FSTL5: variants seen among roughly 807,000 people sequenced by gnomAD.
FSTL5 encodes the protein follistatin like 5, also known as follistatin-related protein 5.
In FSTL5, 62 loss-of-function variants were observed where a neutral mutation model predicts 89.1. That is an observed-to-expected ratio of 0.70 (90% CI 0.57 to 0.86). FSTL5 has a LOEUF of 0.86. Among genes scored for constraint, FSTL5 ranks in the 40% least tolerant of loss-of-function variants. FSTL5 has a pLI of 0.00. For missense variants in FSTL5, 1,057 were observed against 1,001.6 expected, an observed-to-expected ratio of 1.06 and a Z score of -0.75; for synonymous variants, 383 against 346.2, an observed-to-expected ratio of 1.11 and a Z score of -1.18.
At chr4:161,616,929 C>G (rs140549363) in intron 7 of FSTL5, among the ~76,000 whole-genome samples, 3,778 of 149,918 alleles carry the variant, frequency 0.025, 47 homozygotes, top group South Asian at 0.037. Context: ...ATCTAGTATC[C>G]AATTACAAAT....
At position 161,437,436 on chromosome 4, in the gene FSTL5, G is replaced by A. The variant is rs76912772; in HGVS notation, c.1841+17568C>T. Among the ~76,000 whole-genome samples the A allele has an allele frequency of 9.2e-5, 14 of 151,426 alleles. No individual in the cohort carries two copies. In the East Asian group the frequency reaches 9.8e-4, roughly 11 times the overall value. On this transcript the variant is annotated intron_variant, in intron 15 of 15. Transcript: ENST00000306100. ...CAAAAAATTCGCCGGGCGTGGTGGCGGGCGCCTTTAGTCCCAGCTACTCGG... is the reference window on the plus strand; with the variant it reads ...CAAAAAATTCGCCGGGCGTGGTGGCAGGCGCCTTTAGTCCCAGCTACTCGG...
chr4:161,736,363 G>T (rs1316206371), intron 6 of FSTL5, among the ~76,000 whole-genome samples: 1 of 151,876 alleles, frequency 6.6e-6, no homozygotes, highest in Non-Finnish European at 1.5e-5. Context: ...CTCTAAATTT[G>T]AATTTAGAGT....
At chr4:161,662,709 G>C (rs1736759424) in intron 6 of FSTL5, among the ~76,000 whole-genome samples, 1 of 152,130 alleles carries the variant, frequency 6.6e-6, no homozygotes, top group Non-Finnish European at 1.5e-5. Context: ...GCAGCTGACA[G>C]GTTTCCATAA....
intron 3 of FSTL5, among the ~76,000 whole-genome samples, chr4:161,947,963 T>A (rs1025976602): frequency 6.6e-6 from 1 of 152,082 alleles, no homozygotes; most frequent in Non-Finnish European, 1.5e-5. Context: ...TATTTTACCT[T>A]ATTTTATTTT....
chr4:162,001,889 G>A (rs1736474891), intron 3 of FSTL5, among the ~76,000 whole-genome samples: 1 of 151,882 alleles, frequency 6.6e-6, no homozygotes, highest in African/African-American at 2.4e-5. Context: ...TGTAATCAGG[G>A]ATTTCATTTC....
chr4:161,729,103 T>C (rs565587668), intron 6 of FSTL5, among the ~76,000 whole-genome samples: 1 of 152,134 alleles, frequency 6.6e-6, no homozygotes, highest in Non-Finnish European at 1.5e-5. Context: ...GGCTCTCAAC[T>C]CAAAGGGCAG....
intron 10 of FSTL5, among the ~76,000 whole-genome samples, chr4:161,531,986 T>C (rs893613291): frequency 6.6e-6 from 1 of 152,040 alleles, no homozygotes; most frequent in East Asian, 1.9e-4. Flanking sequence ...GGGCGGATCA[T>C]GAGGTCAGGA....
intron 2 of FSTL5, among the ~76,000 whole-genome samples, chr4:162,084,354 A>T (rs1460541764): frequency 6.6e-6 from 1 of 152,012 alleles, no homozygotes; most frequent in Non-Finnish European, 1.5e-5. Flanking sequence ...AAAAATCACA[A>T]CTCATTTATA....
chr4:162,091,245 T>C (rs1166060098), intron 2 of FSTL5, among the ~76,000 whole-genome samples: 1 of 152,162 alleles, frequency 6.6e-6, no homozygotes, highest in Non-Finnish European at 1.5e-5. Context: ...CTCAAGATTC[T>C]TGCTTGATAG....
At chr4:161,649,781 C>A (rs943651214) in intron 7 of FSTL5, among the ~76,000 whole-genome samples, 2 of 152,142 alleles carry the variant, frequency 1.3e-5, no homozygotes, top group African/African-American at 4.8e-5. Flanking sequence ...TGCCAGAGAT[C>A]TATAAATGGT....
At chr4:161,801,052 G>A (rs1395382702) in intron 4 of FSTL5, among the ~76,000 whole-genome samples, 1 of 151,524 alleles carries the variant, frequency 6.6e-6, no homozygotes, top group Non-Finnish European at 1.5e-5. Context: ...CAGCTTAGAG[G>A]TTAGTATTAG....
chr4:161,623,922 T>C (rs1578976169), intron 7 of FSTL5, among the ~76,000 whole-genome samples: 1 of 152,124 alleles, frequency 6.6e-6, no homozygotes, highest in Admixed American at 6.5e-5. Context: ...GATAATTTAT[T>C]AATTCTTTTT....
At chr4:161,951,640 C>G (rs1734898380) in intron 3 of FSTL5, among the ~76,000 whole-genome samples, 1 of 151,868 alleles carries the variant, frequency 6.6e-6, no homozygotes, top group Non-Finnish European at 1.5e-5. Context: ...TGAAATTAAC[C>G]TAGTTATTAA....
At chr4:161,971,188 A>G (rs1202787248) in intron 3 of FSTL5, among the ~76,000 whole-genome samples, 1 of 152,108 alleles carries the variant, frequency 6.6e-6, no homozygotes, top group Non-Finnish European at 1.5e-5. Context: ...AATGGAGGAG[A>G]GTTCTCAAAT....
At chr4:161,420,766 A>G (rs1006473126) in intron 15 of FSTL5, among the ~76,000 whole-genome samples, 1 of 150,810 alleles carries the variant, frequency 6.6e-6, no homozygotes, top group African/African-American at 2.4e-5. Flanking sequence ...AATATTATAT[A>G]GATAGCATAT....
chr4:161,814,985 A>G (rs533486484), intron 4 of FSTL5, among the ~76,000 whole-genome samples: 4 of 152,186 alleles, frequency 2.6e-5, no homozygotes, highest in Admixed American at 6.5e-5. Context: ...ATTGAATTTT[A>G]TATTTTAAAT....
intron 5 of FSTL5, among the ~76,000 whole-genome samples, chr4:161,769,538 A>G (rs1741135639): frequency 6.6e-6 from 1 of 152,048 alleles, no homozygotes; most frequent in African/African-American, 2.4e-5. Context: ...CAACTTACTC[A>G]AATAAATCAA....
At chr4:161,874,872 G>C (rs1019115989) in intron 4 of FSTL5, among the ~76,000 whole-genome samples, 8 of 152,070 alleles carry the variant, frequency 5.3e-5, no homozygotes, top group Admixed American at 3.9e-4. Context: ...AAGCCAGAAA[G>C]TGTTGAATAT....
chr4:161,752,244 G>C (rs570656130), intron 6 of FSTL5, among the ~76,000 whole-genome samples: 2 of 152,048 alleles, frequency 1.3e-5, no homozygotes, highest in Admixed American at 1.3e-4. Flanking sequence ...TAGATAGATA[G>C]ATAGATAGAT....
Sources: gnomAD v4.1 joint callset for allele counts (sites outside exome capture counted in the v4.1 genomes callset) on GRCh38, gnomAD v4.1.1 for gene constraint, MANE v1.5 for transcripts, NCBI Gene and HGNC (gene_info 2026-07-23, HGNC 2026-07-21) for gene names.